The following JCAD variants were observed in gnomAD, a reference collection of about 807,000 sequenced individuals.
JCAD encodes the protein junctional cadherin 5-associated protein.
Under a neutral mutation model 98.0 loss-of-function variants are expected in JCAD, and 40 were observed. The observed-to-expected ratio is 0.41, with a 90% CI of 0.32 to 0.53. JCAD has a LOEUF of 0.53. Among genes scored for constraint, JCAD ranks in the 20% least tolerant of loss-of-function variants. The pLI is 0.31. For synonymous variants in JCAD, 691 were observed against 682.3 expected (o/e 1.01, Z -0.20); for missense variants, 1,705 against 1,738.1 (o/e 0.98, Z 0.34).
intron 1 of JCAD, among the ~76,000 whole-genome samples, chr10:30,078,393 G>C (rs1423710163): frequency 6.6e-6 from 1 of 152,070 alleles, no homozygotes; most frequent in African/African-American, 2.4e-5. Context: ...CAGGATGAAG[G>C]GTTTCTTTCT....
chr10:30,042,449 T>C (rs968982813), intron 2 of JCAD, among the ~76,000 whole-genome samples: 2 of 152,068 alleles, frequency 1.3e-5, no homozygotes, highest in Non-Finnish European at 2.9e-5. Flanking sequence ...AAGTTTCAAC[T>C]AAGAGATGCG....
At chr10:30,026,071 C>T (rs1469719961) in intron 3 of JCAD, 32 bp downstream of exon 3, 1 of 1,613,568 alleles carries the variant, frequency 6.2e-7, no homozygotes, top group East Asian at 2.2e-5. Context: ...CAAATGTATA[C>T]TGAGCACCTG....
At position 30,047,793 on chromosome 10, in the gene JCAD, A is replaced by T; in HGVS notation, c.20T>A (p.Leu7His). 3 of 1,613,314 alleles carry T rather than the reference A, an allele frequency of 1.9e-6. No homozygotes were observed. Among genetic ancestry groups the T allele is most frequent in the Non-Finnish European group, 2.5e-6 (3 of 1,179,636 alleles). MYSVED[L>H]LISHGYKLSR... ...CAGCTTGTATCCATGAGAGATCAGG[A>T]GGTCTTCTACACTGTACATGATGCC... The change falls in exon 2 of 4, where the codon CTC (leucine) becomes CAC (histidine). Residue 7 changes from leucine (L) to histidine (H), a missense_variant. This residue lies in a region of JCAD where 152 missense variants were observed against 148.0 expected (regional missense o/e 1.03). Coordinates refer to ENST00000375377, the MANE Select transcript of JCAD (RefSeq NM_020848.4).
At chr10:30,051,869 C>A (rs1288092582) in intron 1 of JCAD, among the ~76,000 whole-genome samples, 1 of 152,158 alleles carries the variant, frequency 6.6e-6, no homozygotes, top group Non-Finnish European at 1.5e-5. Flanking sequence ...GGATAATGAT[C>A]ATTCCATTAA....
chr10:30,057,896 A>G (rs909447559), intron 1 of JCAD, among the ~76,000 whole-genome samples: 2 of 152,194 alleles, frequency 1.3e-5, no homozygotes, highest in African/African-American at 4.8e-5. Flanking sequence ...CAAACTCCCA[A>G]TGTCACACGA....
intron 2 of JCAD, among the ~76,000 whole-genome samples, chr10:30,066,753 T>G (rs1470105065): frequency 1.3e-5 from 2 of 152,202 alleles, no homozygotes; most frequent in African/African-American, 4.8e-5. Context: ...GGAAATAGGC[T>G]GGGCTCCGTG....
upstream of JCAD, chr10:30,059,599 T>G (rs771687777): frequency 1.4e-5 from 2 of 146,266 alleles, no homozygotes; most frequent in African/African-American, 5.4e-5. This position sits in a 1 kb window ranked among gnomAD's most constrained non-coding sequence, Gnocchi z 5.0. Flanking sequence ...AGAACCGCCG[T>G]CCGCCCCGCC....
rs201514996 is a variant in JCAD, at chr10:30,026,465, C to T, written c.3683G>A (p.Gly1228Asp). The T allele has an allele frequency of 4.0e-4, 653 of 1,614,130 alleles. 2 individuals are homozygous for T. Among genetic ancestry groups the T allele is most frequent in the Non-Finnish European group, 5.2e-4 (615 of 1,180,050 alleles). The change falls in exon 3 of 4, where the codon GGC becomes GAC. Residue 1228 changes from glycine to aspartate, a missense_variant. Physicochemically the swap from Gly to Asp is moderately conservative, Grantham distance 94. Transcript: ENST00000375377. The stretch of plus-strand genomic sequence containing the variant: ...AGGGCTTCTAAGTCTCTTTTCAGAG[C>T]CTGCCACACTTGGGGTTCTTTCTAC... ...HFVERTPSVA[G>D]SEKRLRSPSK...
intron 1 of JCAD, among the ~76,000 whole-genome samples, chr10:30,105,813 G>A (rs1838567433): frequency 6.6e-6 from 1 of 152,142 alleles, no homozygotes; most frequent in Non-Finnish European, 1.5e-5. Flanking sequence ...TGATAAATTA[G>A]CATTGACATT....
In JCAD at chr10:30,023,653, C is replaced by A. The variant is rs564968372; in HGVS notation, c.4045+2450G>T. Among the ~76,000 whole-genome samples the A allele has an allele frequency of 2.0e-5, 3 of 151,698 alleles. No individual in the cohort carries two copies. The South Asian group carries it at 6.3e-4, about 32-fold the overall frequency. On this transcript the variant is annotated intron_variant, in intron 3 of 3. Coordinates refer to ENST00000375377, the MANE Select transcript of JCAD (RefSeq NM_020848.4). ...GGCTCTCTGCCTGCAGATTTTTGGC[C>A]ATTTTATTGTATATTAGCAAATGCA...
chr10:30,027,114 C>T lies in JCAD; in HGVS notation c.3034G>A (p.Val1012Met). 6.2e-7 allele frequency: 1 copy of T among 1,614,218 alleles called. No individual in the cohort carries two copies. Among genetic ancestry groups the T allele is most frequent in the South Asian group, 1.1e-5 (1 of 91,090 alleles). ...SPKITSAFSS[V>M]KPSEAVPRKF... is the part of the protein sequence containing the mutation. ...CGAGGGACCGCTTCACTTGGTTTCA[C>T]AGAGCTGAAAGCACTGGTGATTTTC... Residue 1012 changes from valine (V) to methionine (M), a missense_variant, in exon 3 of 4, where the codon GTG becomes ATG. Physicochemically the swap from Val to Met is conservative, Grantham distance 21 (BLOSUM62 1). Transcript: ENST00000375377.
chr10:30,015,819 C>T lies in JCAD; in HGVS notation c.*2064G>A, dbSNP rs1836520075. ...ATGTGCACGTATATAAATGTATATACACATATACCTTCTTACGTTTGCATT... is the reference window on the plus strand; with the variant it reads ...ATGTGCACGTATATAAATGTATATATACATATACCTTCTTACGTTTGCATT... On this transcript the variant is annotated 3_prime_UTR_variant, in exon 4 of 4. Transcript: ENST00000375377. 1 of 152,030 alleles carries T rather than the reference C, an allele frequency of 6.6e-6. No homozygotes were observed. The highest frequency in any genetic ancestry group is 2.4e-5 in the African/African-American group (1 of 41,370). The allele number at this position is 152,030 out of a possible 1,614,324, so 9.4% of individuals were successfully genotyped here.
At chr10:30,057,200 T>C (rs1182112457) in intron 1 of JCAD, among the ~76,000 whole-genome samples, 1 of 152,186 alleles carries the variant, frequency 6.6e-6, no homozygotes, top group Non-Finnish European at 1.5e-5. Context: ...TTCGCCAAGC[T>C]CATTAAAAGA....
chr10:30,029,783 T>G lies in JCAD; in HGVS notation c.365A>C (p.Glu122Ala), dbSNP rs1375661201. The G allele has an allele frequency of 6.2e-7, 1 of 1,614,142 alleles. No individual in the cohort carries two copies. Among genetic ancestry groups the G allele is most frequent in the Non-Finnish European group, 8.5e-7 (1 of 1,180,054 alleles). ...DQAYRRRGRQ[E>A]ARSQKPREHE... is the part of the protein sequence containing the mutation. ...CTCCCTCGGCTTCTGGCTCCTGGCT[T>G]CTTGCCGTCCTCTTCTCCGGTAGGC... is the stretch of plus-strand genomic sequence containing the variant. The change falls in exon 3 of 4, where the codon GAA becomes GCA. Residue 122 changes from glutamate to alanine, a missense_variant. Transcript: ENST00000375377.
Position 30,029,419 on chromosome 10 carries a change from G to A in JCAD, c.729C>T (p.Cys243=), listed in dbSNP as rs375597322. 8.3e-4 allele frequency: 1,334 copies of A among 1,614,106 alleles called. No homozygotes were observed. The highest frequency in any genetic ancestry group is 1.1e-3 in the Non-Finnish European group (1,244 of 1,180,024). ...CATTTAATGGAATGGGAATTTCCGT[G>A]CAACTCAGGCTCTCGGGGGAAAGAA... ...PRVLSPESLS[C]TEIPIPLNER... The change falls in exon 3 of 4, where the codon TGC becomes TGT. Residue 243 remains cysteine, a synonymous_variant. Transcript: ENST00000375377.
At chr10:30,064,609 C>G (rs921113343) in intron 2 of JCAD, among the ~76,000 whole-genome samples, 7 of 152,058 alleles carry the variant, frequency 4.6e-5, no homozygotes, top group African/African-American at 1.7e-4. Context: ...AGATAGAACA[C>G]CAGAACTTAT....
chr10:30,096,025 G>A (rs931654952), intron 1 of JCAD, among the ~76,000 whole-genome samples: 6 of 152,174 alleles, frequency 3.9e-5, no homozygotes. Context: ...AAAAAATGCA[G>A]TATTTTGCTT....
At position 30,047,778 on chromosome 10, in the gene JCAD, C is replaced by T; in HGVS notation, c.35G>A (p.Gly12Glu). 1 of 1,613,938 alleles carries T rather than the reference C, an allele frequency of 6.2e-7. No homozygotes were observed. The highest frequency in any genetic ancestry group is 8.5e-7 in the Non-Finnish European group (1 of 1,179,936). The change falls in exon 2 of 4, where the codon GGA (glycine) becomes GAA (glutamate). Residue 12 changes from glycine (G) to glutamate (E), a missense_variant. By Grantham distance (98) the Gly-to-Glu change is moderately conservative (BLOSUM62 -2). Coordinates refer to ENST00000375377, the MANE Select transcript of JCAD (RefSeq NM_020848.4). The part of the protein sequence containing the change: ...YSVEDLLISH[G>E]YKLSRDPPAS... ...TGGGGGGTCTCTTGACAGCTTGTAT[C>T]CATGAGAGATCAGGAGGTCTTCTAC...
At chr10:30,086,002 G>A (rs190608741) in intron 1 of JCAD, among the ~76,000 whole-genome samples, 27 of 152,240 alleles carry the variant, frequency 1.8e-4, no homozygotes, top group African/African-American at 6.5e-4. Flanking sequence ...CAGGCAAAAT[G>A]TATAAAACTC....
Sources: gnomAD v4.1 joint callset for allele counts (sites outside exome capture counted in the v4.1 genomes callset) on GRCh38, gnomAD v4.1.1 for gene constraint, gnomAD v4.1.1 regional missense constraint, Gnocchi (gnomAD v3.1) non-coding constraint, MANE v1.5 for transcripts, NCBI Gene and HGNC (gene_info 2026-07-23, HGNC 2026-07-21) for gene names.